CDK5RAP2: variants seen among roughly 807,000 people sequenced by gnomAD.
CDK5RAP2 encodes the protein CDK5 regulatory subunit associated protein 2.
CDK5RAP2 carries 147 observed loss-of-function variants against 232.9 expected under a neutral mutation model. The ratio of observed to expected loss-of-function variants is 0.63; its 90% CI spans 0.55 to 0.72. The LOEUF (loss-of-function observed/expected upper bound fraction) is 0.72. Ranked by LOEUF, CDK5RAP2 falls within the 30% of genes least tolerant of loss-of-function variation. The pLI is 0.00. For synonymous variants in CDK5RAP2, 833 were observed against 833.7 expected, an observed-to-expected ratio of 1.00 and a Z score of 0.01; for missense variants, 2,195 against 2,231.5, an observed-to-expected ratio of 0.98 and a Z score of 0.33.
chr9:120,453,956 C>T (rs756985530), intron 20 of CDK5RAP2, 83 bp from the exon 21 acceptor site: 260 of 1,377,446 alleles, frequency 1.9e-4, no homozygotes, highest in Non-Finnish European at 2.5e-4. Context: ...AAGTTATCCC[C>T]ACCTACTGTT....
rs180828226 is a variant in CDK5RAP2, at chr9:120,454,986, G to A, written c.2376-1113C>T. Among the ~76,000 whole-genome samples the A allele has an allele frequency of 2.6e-3, 403 of 152,320 alleles. 1 individual carries two copies. The highest frequency in any genetic ancestry group is 4.2e-3 in the Non-Finnish European group (289 of 68,036). ...ATCTCAGGCTCTGCTTTCCAGGGAA[G>A]CAAAACTAAGCCAGCATGTAAAACA... On this transcript the variant is annotated intron_variant, in intron 20 of 37. Transcript: ENST00000349780.
At chr9:120,436,715 A>C (rs1219055174) in intron 25 of CDK5RAP2, among the ~76,000 whole-genome samples, 1 of 152,194 alleles carries the variant, frequency 6.6e-6, no homozygotes, top group Non-Finnish European at 1.5e-5. Flanking sequence ...GCAAATGCTA[A>C]CAACTGATGA....
intron 32 of CDK5RAP2, 67 bp downstream of exon 32, chr9:120,406,945 G>A: frequency 8.4e-7 from 1 of 1,191,152 alleles, no homozygotes; most frequent in Non-Finnish European, 1.2e-6. Context: ...TCATTCAGAA[G>A]TTCACATGTC....
chr9:120,401,610 C>CAAA lies in CDK5RAP2; in HGVS notation c.5308-728_5308-726dup, dbSNP rs142588120. ...TGGACAACATGGCCAGACCCTGTCT[C>CAAA]AAAAAAAAAAAAAAAAAAAAAAAGA... On this transcript the variant is annotated intron_variant, in intron 34 of 37. Coordinates refer to ENST00000349780, the MANE Select transcript of CDK5RAP2 (RefSeq NM_018249.6). 6.9e-3 allele frequency among the ~76,000 whole-genome samples: 414 copies of CAAA among 59,736 alleles called. 2 individuals carry two copies. The highest frequency in any genetic ancestry group is 0.013 in the Middle Eastern group (1 of 76). The allele number at this position is 59,736 out of a possible 152,430, so 39.2% of individuals were successfully genotyped here.
At chr9:120,573,530 T>TA (rs1163621173) in intron 1 of CDK5RAP2, among the ~76,000 whole-genome samples, 4 of 143,664 alleles carry the variant, frequency 2.8e-5, no homozygotes, top group South Asian at 2.2e-4. Context: ...GCCTGGGTGA[T>TA]AGAGTGAGAC....
intron 3 of CDK5RAP2, among the ~76,000 whole-genome samples, chr9:120,553,088 A>T (rs1295369296): frequency 6.6e-6 from 1 of 152,210 alleles, no homozygotes; most frequent in Non-Finnish European, 1.5e-5. Context: ...CATGTAAACA[A>T]GCACCAAGCT....
intron 18 of CDK5RAP2, among the ~76,000 whole-genome samples, chr9:120,462,629 T>C (rs1159648685): frequency 1.3e-5 from 2 of 152,158 alleles, no homozygotes; most frequent in Non-Finnish European, 2.9e-5. Flanking sequence ...AAAAACATAA[T>C]GCTGAGTAAA....
chr9:120,550,884 T>C lies in CDK5RAP2; in HGVS notation c.214A>G (p.Lys72Glu), dbSNP rs2042018779. ...DFENQITELK[K>E]ENFNLKLRIY... is the part of the protein sequence containing the mutation. Reference sequence around the variant, plus strand: ...CGGAGCTTTAGGTTAAAGTTTTCTTTCTTCAATTCAGTGATTTGCTGAAAA... The same window carrying C: ...CGGAGCTTTAGGTTAAAGTTTTCTTCCTTCAATTCAGTGATTTGCTGAAAA... Residue 72 changes from lysine (K) to glutamate (E), a missense_variant, in exon 4 of 38, where the codon AAA becomes GAA. Lys to Glu is a moderately conservative substitution (Grantham distance 56). Transcript: ENST00000349780. 1 of 1,610,494 alleles carries C rather than the reference T, an allele frequency of 6.2e-7. No individual in the cohort carries two copies. Among genetic ancestry groups the C allele is most frequent in the East Asian group, 2.2e-5 (1 of 44,820 alleles).
intron 11 of CDK5RAP2, among the ~76,000 whole-genome samples, chr9:120,520,726 TC>T (rs2040584962): frequency 6.6e-6 from 1 of 151,266 alleles, no homozygotes. Flanking sequence ...TCATGATATA[TC>T]ATATATGTAT....
chr9:120,496,657 C>T (rs867439983), intron 12 of CDK5RAP2, among the ~76,000 whole-genome samples: 1 of 142,984 alleles, frequency 7.0e-6, no homozygotes, highest in Admixed American at 6.7e-5. Context: ...GCCCCTCTGC[C>T]CGGCCAGCCG....
chr9:120,509,572 C>A (rs1001320844), intron 12 of CDK5RAP2, among the ~76,000 whole-genome samples: 1 of 152,106 alleles, frequency 6.6e-6, no homozygotes. Flanking sequence ...AGATTGCAAC[C>A]CAAGTTGAGA....
At chr9:120,411,797 C>T (rs914819283) in intron 28 of CDK5RAP2, among the ~76,000 whole-genome samples, 1 of 152,176 alleles carries the variant, frequency 6.6e-6, no homozygotes, top group South Asian at 2.1e-4. Flanking sequence ...TGCCGCGCCT[C>T]ACCACTGAGG....
rs566288499 is a variant in CDK5RAP2, at chr9:120,502,087, G to A, written c.1312-10610C>T. Among the ~76,000 whole-genome samples the A allele has an allele frequency of 2.0e-5, 3 of 152,234 alleles. No individual in the cohort carries two copies. The South Asian group carries it at 6.2e-4, about 32-fold the overall frequency. On this transcript the variant is annotated intron_variant, in intron 12 of 37. Transcript: ENST00000349780. ...TCTTCTCAGTTCGCCTCCACACCAT[G>A]GTTTAGATCTCTTTTGCATGACTCA... is the stretch of plus-strand genomic sequence containing the variant.
intron 3 of CDK5RAP2, among the ~76,000 whole-genome samples, chr9:120,559,571 A>G (rs1028182944): frequency 1.4e-4 from 16 of 116,762 alleles, no homozygotes; most frequent in Admixed American, 1.1e-3. Flanking sequence ...GAGAAACAAG[A>G]AAAAAAAAAA....
intron 4 of CDK5RAP2, among the ~76,000 whole-genome samples, chr9:120,546,828 G>C (rs1237487927): frequency 6.6e-6 from 1 of 151,920 alleles, no homozygotes; most frequent in Non-Finnish European, 1.5e-5. Context: ...TTACAGATTG[G>C]GTCTTGCTAT....
At chr9:120,553,824 T>C (rs1341182973) in intron 3 of CDK5RAP2, among the ~76,000 whole-genome samples, 1 of 152,228 alleles carries the variant, frequency 6.6e-6, no homozygotes, top group East Asian at 1.9e-4. Flanking sequence ...TGAAGTGGTA[T>C]AATCGCAGCT....
chr9:120,561,502 G>C lies in CDK5RAP2; in HGVS notation c.195+6819C>G, dbSNP rs1588660746. On this transcript the variant is annotated intron_variant, in intron 3 of 37. Coordinates refer to ENST00000349780, the MANE Select transcript of CDK5RAP2 (RefSeq NM_018249.6). ...TTTTGTAGAAATGGGGTCTCACTTTGTGACCCAAGCTGGGTCACAACTCCT... is the reference window on the plus strand; with the variant it reads ...TTTTGTAGAAATGGGGTCTCACTTTCTGACCCAAGCTGGGTCACAACTCCT... Among the ~76,000 whole-genome samples, 6 of 151,964 alleles carry C rather than the reference G, an allele frequency of 3.9e-5. No homozygotes were observed. In the South Asian group the frequency reaches 1.2e-3, roughly 32 times the overall value.
intron 21 of CDK5RAP2, among the ~76,000 whole-genome samples, chr9:120,448,381 G>T (rs1336801350): frequency 6.6e-6 from 1 of 152,150 alleles, no homozygotes; most frequent in Non-Finnish European, 1.5e-5. Flanking sequence ...GGACAATCCA[G>T]ACACTCCATA....
At chr9:120,545,674 G>A (rs1446221404) in intron 5 of CDK5RAP2, 40 bp downstream of exon 5, 2 of 1,502,994 alleles carry the variant, frequency 1.3e-6, no homozygotes, top group Admixed American at 1.7e-5. Flanking sequence ...CCAACCCAGT[G>A]TGGGCGACTT....
Sources: allele counts gnomAD v4.1 joint callset (sites outside exome capture counted in the v4.1 genomes callset), GRCh38; gene constraint gnomAD v4.1.1; transcripts MANE v1.5; gene names NCBI Gene and HGNC (gene_info 2026-07-23, HGNC 2026-07-21).